The following TMEM243 variants were observed in gnomAD, a reference collection of about 807,000 sequenced individuals.
TMEM243 encodes transmembrane protein 243.
Under a neutral mutation model 15.0 loss-of-function variants are expected in TMEM243, and 20 were observed. That is an observed-to-expected ratio of 1.33 (90% CI 0.94 to 1.93). The LOEUF is 1.93. Among genes scored for constraint, TMEM243 ranks in the 30% most tolerant of loss-of-function variants. TMEM243 has a pLI of 0.00. For synonymous variants in TMEM243, 72 were observed against 52.7 expected (o/e 1.37, Z -1.59); for missense variants, 156 against 142.1 (o/e 1.10, Z -0.50).
chr7:87,201,088 T>C (rs947098637), intron 1 of TMEM243, among the ~76,000 whole-genome samples: 3 of 152,244 alleles, frequency 2.0e-5, no homozygotes, highest in Non-Finnish European at 4.4e-5. Context: ...CAGATTTTCA[T>C]GAATATCAGT....
chr7:87,198,145 A>G, intron 2 of TMEM243, 100 bp from the exon 3 acceptor site: 2 of 921,900 alleles, frequency 2.2e-6, no homozygotes, highest in East Asian at 5.2e-5. Context: ...GCTTCATGTT[A>G]TAAAATTACA....
intron 1 of TMEM243, among the ~76,000 whole-genome samples, chr7:87,203,306 G>T (rs1038488259): frequency 6.6e-6 from 1 of 151,962 alleles, no homozygotes; most frequent in Non-Finnish European, 1.5e-5. Flanking sequence ...GAATGGGGGG[G>T]AAAAAAAGCT....
rs1803351298 is a variant in TMEM243, at chr7:87,219,538, A to G, written c.-35T>C. ...TCTTCACTTTCCCCAAGCCACTTAA[A>G]AGCAAGACAGCATGACCTCCCGAGG... On this transcript the variant is annotated 5_prime_UTR_variant, in exon 1 of 4. Transcript: ENST00000257637. 1 of 1,600,796 alleles carries G rather than the reference A, an allele frequency of 6.2e-7. No homozygotes were observed.
chr7:87,210,283 T>C (rs1253276275), intron 1 of TMEM243, among the ~76,000 whole-genome samples: 1 of 152,092 alleles, frequency 6.6e-6, no homozygotes, highest in Non-Finnish European at 1.5e-5. Context: ...AGCCAAACCA[T>C]GTCATTCAGC....
chr7:87,215,570 C>T (rs1486553398), intron 1 of TMEM243, among the ~76,000 whole-genome samples: 1 of 152,122 alleles, frequency 6.6e-6, no homozygotes, highest in East Asian at 1.9e-4. Context: ...CATATTTCTA[C>T]TGGACAGCAC....
chr7:87,198,084 TC>T, intron 2 of TMEM243, 39 bp from the exon 3 acceptor site: 1 of 1,553,258 alleles, frequency 6.4e-7, no homozygotes, highest in South Asian at 1.2e-5. Flanking sequence ...TAACAGTAAT[TC>T]CAAGACTTGG....
Position 87,209,749 on chromosome 7 carries a change from A to AGT in TMEM243, c.78+9676_78+9677insAC, listed in dbSNP as rs1409483851. The stretch of plus-strand genomic sequence containing the variant: ...GAGCGAGACACAGTGAGAGCGAGAC[A>AGT]CAGAGCGAGACAGTGAGAGCGAGAC... On this transcript the variant is annotated intron_variant, in intron 1 of 3. Coordinates refer to ENST00000257637, the MANE Select transcript of TMEM243 (RefSeq NM_024315.4). 3.4e-3 allele frequency among the ~76,000 whole-genome samples: 275 copies of AGT among 81,158 alleles called. 4 individuals carry two copies. Among genetic ancestry groups the AGT allele is most frequent in the African/African-American group, 0.012 (249 of 21,096 alleles). The allele number at this position is 81,158 out of a possible 152,430, so 53.2% of individuals were successfully genotyped here.
chr7:87,212,704 T>G lies in TMEM243; in HGVS notation c.78+6722A>C, dbSNP rs535929274. 3.3e-5 allele frequency among the ~76,000 whole-genome samples: 5 copies of G among 152,340 alleles called. No homozygotes were observed. The South Asian group carries it at 8.3e-4, about 25-fold the overall frequency. On this transcript the variant is annotated intron_variant, in intron 1 of 3. Transcript: ENST00000257637. ...TCCAGGTTTCTAAACAGTCCCTGCC[T>G]TCTACTGTGAGCTCAGAATGTCCCA...
At chr7:87,216,227 T>C (rs1258790479) in intron 1 of TMEM243, among the ~76,000 whole-genome samples, 2 of 145,680 alleles carry the variant, frequency 1.4e-5, no homozygotes, top group Non-Finnish European at 3.0e-5. Context: ...TGAGCCGAGA[T>C]TGCACCACTG....
chr7:87,216,484 G>A (rs1803132666), intron 1 of TMEM243, among the ~76,000 whole-genome samples: 1 of 152,108 alleles, frequency 6.6e-6, no homozygotes, highest in African/African-American at 2.4e-5. Flanking sequence ...TGGAACAATA[G>A]AGAACTGTTT....
chr7:87,214,485 G>T lies in TMEM243; in HGVS notation c.78+4941C>A, dbSNP rs570117249. On this transcript the variant is annotated intron_variant, in intron 1 of 3. Transcript: ENST00000257637. Reference sequence around the variant, plus strand: ...TTCCCAAAGTATATTCTGCAGAAACGTATCTAGTGAATGCTCTAGGGAGCT... The same window carrying T: ...TTCCCAAAGTATATTCTGCAGAAACTTATCTAGTGAATGCTCTAGGGAGCT... Among the ~76,000 whole-genome samples, 4 of 152,280 alleles carry T rather than the reference G, an allele frequency of 2.6e-5. No individual in the cohort carries two copies. In the South Asian group the frequency reaches 8.3e-4, roughly 32 times the overall value.
intron 1 of TMEM243, among the ~76,000 whole-genome samples, chr7:87,209,313 A>G (rs1802439657): frequency 1.4e-5 from 2 of 141,854 alleles, no homozygotes; most frequent in African/African-American, 2.6e-5. Flanking sequence ...GGGGTGGGAA[A>G]GGGTGGGAAT....
chr7:87,198,823 C>T (rs1397375084), intron 2 of TMEM243, 184 bp downstream of exon 2: 9 of 548,522 alleles, frequency 1.6e-5, no homozygotes, highest in Non-Finnish European at 2.5e-5. Context: ...CTGACTTGTA[C>T]CATTTCACAT....
chr7:87,200,672 C>A (rs907486936), intron 1 of TMEM243, among the ~76,000 whole-genome samples: 7 of 152,164 alleles, frequency 4.6e-5, no homozygotes, highest in Non-Finnish European at 1.0e-4. Context: ...CCAATCCTCT[C>A]TTTAAAAATT....
At chr7:87,197,066 A>AAGAC (rs1352327682) in intron 3 of TMEM243, among the ~76,000 whole-genome samples, 2 of 152,236 alleles carry the variant, frequency 1.3e-5, no homozygotes, top group Admixed American at 6.5e-5. Context: ...ACAGGAAAGG[A>AAGAC]AGACAACATT....
At chr7:87,215,159 A>G (rs2129238931) in intron 1 of TMEM243, among the ~76,000 whole-genome samples, 1 of 152,336 alleles carries the variant, frequency 6.6e-6, no homozygotes, top group Middle Eastern at 3.4e-3. Flanking sequence ...AAATTGTAAA[A>G]GTATCTCAGT....
At chr7:87,199,098 C>A (rs774395124) in intron 1 of TMEM243, 41 bp from the exon 2 acceptor site, 7 of 1,535,628 alleles carry the variant, frequency 4.6e-6, no homozygotes, top group Non-Finnish European at 5.3e-6. Context: ...GACTTGGATC[C>A]ATGTTACCTT....
chr7:87,200,344 A>T (rs1420195274), intron 1 of TMEM243, among the ~76,000 whole-genome samples: 2 of 152,206 alleles, frequency 1.3e-5, no homozygotes, highest in African/African-American at 4.8e-5. Context: ...GCCTGAACTT[A>T]GGACCACTTT....
chr7:87,202,637 A>G (rs2129224742), intron 1 of TMEM243, among the ~76,000 whole-genome samples: 1 of 152,340 alleles, frequency 6.6e-6, no homozygotes, highest in East Asian at 1.9e-4. Flanking sequence ...ACGGCTAGGT[A>G]ATGGCAAAAA....
Sources: allele counts gnomAD v4.1 joint callset (sites outside exome capture counted in the v4.1 genomes callset), GRCh38; gene constraint gnomAD v4.1.1; transcripts MANE v1.5; gene names NCBI Gene and HGNC (gene_info 2026-07-23, HGNC 2026-07-21).